GRIN2A: variants seen among roughly 807,000 people sequenced by gnomAD.
GRIN2A encodes glutamate receptor ionotropic, NMDA 2A.
Under a neutral mutation model 113.4 loss-of-function variants are expected in GRIN2A, and 22 were observed. The observed-to-expected ratio is 0.19, with a 90% CI of 0.14 to 0.28. The LOEUF is 0.28. Ranked by LOEUF, GRIN2A falls within the 10% of genes least tolerant of loss-of-function variation. GRIN2A has a pLI of 1.00. For missense variants in GRIN2A, 1,502 were observed against 1,887.0 expected (o/e 0.80, Z 3.78); for synonymous variants, 827 against 738.4 (o/e 1.12, Z -1.94).
At chr16:9,937,469 C>G (rs1471820136) in intron 3 of GRIN2A, among the ~76,000 whole-genome samples, 1 of 152,026 alleles carries the variant, frequency 6.6e-6, no homozygotes, top group Non-Finnish European at 1.5e-5. Flanking sequence ...CTCATGTACC[C>G]CATAAATATA....
At chr16:10,175,291 T>C (rs1393311946) in intron 2 of GRIN2A, among the ~76,000 whole-genome samples, 2 of 152,036 alleles carry the variant, frequency 1.3e-5, no homozygotes, top group African/African-American at 4.8e-5. Context: ...AAGGAGAGAA[T>C]AGAAAGAATG....
At chr16:9,766,878 T>C (rs1477222119) in intron 12 of GRIN2A, among the ~76,000 whole-genome samples, 1 of 152,210 alleles carries the variant, frequency 6.6e-6, no homozygotes, top group African/African-American at 2.4e-5. Flanking sequence ...ATGCCTGCCC[T>C]GTGCTGCCCA....
chr16:9,803,408 T>C (rs891554688), intron 10 of GRIN2A, among the ~76,000 whole-genome samples: 2 of 145,276 alleles, frequency 1.4e-5, no homozygotes, highest in African/African-American at 5.1e-5. Flanking sequence ...AGAGCAAAAC[T>C]CCATCTCAAA....
intron 2 of GRIN2A, among the ~76,000 whole-genome samples, chr16:10,008,781 T>C (rs1394639164): frequency 2.6e-5 from 4 of 152,208 alleles, no homozygotes; most frequent in Admixed American, 6.5e-5. Context: ...GCACATTCCA[T>C]GCAACTGTTA....
At position 9,756,698 on chromosome 16, in the gene GRIN2A, G is replaced by A. The variant is rs199950051; in HGVS notation, c.*6451C>T. 5.8e-4 allele frequency: 109 copies of A among 187,250 alleles called. 2 individuals carry two copies. The East Asian group carries it at 9.0e-3, about 15-fold the overall frequency. 11.6% of individuals were successfully genotyped at this position (187,250 alleles called of 1,614,324 possible). A position where few individuals can be genotyped will look rare whatever the true frequency, so the allele number is the denominator to read the frequency against. On this transcript the variant is annotated 3_prime_UTR_variant, in exon 13 of 13. Coordinates refer to ENST00000330684, the MANE Select transcript of GRIN2A (RefSeq NM_001134407.3). Reference sequence around the variant, plus strand: ...CATTCTAGGATATGCCTAGAATATCGCCTACACTCAATTTAGATATATTTT... The same window carrying A: ...CATTCTAGGATATGCCTAGAATATCACCTACACTCAATTTAGATATATTTT...
intron 2 of GRIN2A, among the ~76,000 whole-genome samples, chr16:9,981,073 G>A (rs1484596477): frequency 1.3e-5 from 2 of 151,462 alleles, no homozygotes; most frequent in East Asian, 3.9e-4. Flanking sequence ...GTTTCACCCT[G>A]TAAAGTCCTT....
At chr16:9,950,006 T>C (rs937359365) in intron 2 of GRIN2A, among the ~76,000 whole-genome samples, 11 of 152,126 alleles carry the variant, frequency 7.2e-5, no homozygotes, top group Admixed American at 7.2e-4. Flanking sequence ...ACTCTCACAA[T>C]CTGAAGGCAG....
At chr16:10,034,968 A>G (rs2046998288) in intron 2 of GRIN2A, among the ~76,000 whole-genome samples, 1 of 152,128 alleles carries the variant, frequency 6.6e-6, no homozygotes, top group African/African-American at 2.4e-5. Flanking sequence ...TTAAATATAA[A>G]CTCATCCTGG....
intron 2 of GRIN2A, among the ~76,000 whole-genome samples, chr16:10,140,725 T>C (rs1270270085): frequency 1.3e-5 from 2 of 152,064 alleles, no homozygotes; most frequent in African/African-American, 4.8e-5. Context: ...TATGGGCAAG[T>C]GAGGAAGAGG....
rs576802725 is a variant in GRIN2A at position 10,006,991 on chromosome 16, C to T, written c.415-68440G>A. 7.2e-5 allele frequency among the ~76,000 whole-genome samples: 11 copies of T among 152,282 alleles called. No individual in the cohort carries two copies. In the East Asian group the frequency reaches 2.1e-3, roughly 29 times the overall value. On this transcript the variant is annotated intron_variant, in intron 2 of 12. Transcript: ENST00000330684. The stretch of plus-strand genomic sequence containing the variant: ...ATTCTTTTTATGGCTAAATAGTACT[C>T]CATTGTGTATATGTACCACATTTTC...
rs762437402 is a variant in GRIN2A at position 9,763,314 on chromosome 16, C to T, written c.4230G>A (p.Ser1410=). 2.4e-5 allele frequency: 39 copies of T among 1,613,978 alleles called. No individual in the cohort carries two copies. The highest frequency in any genetic ancestry group is 4.4e-5 in the South Asian group (4 of 91,082). ...GGCCCCGACTGTCCCTGGAACAGTA[C>T]GATGCCGTTGACCTCAAGGACGACC... The part of the protein sequence containing the change: ...YLRSSLRSTA[S]YCSRDSRGHN... The change falls in exon 13 of 13, where the codon TCG becomes TCA. Residue 1410 remains serine (S), a synonymous_variant. Transcript: ENST00000330684.
intron 2 of GRIN2A, among the ~76,000 whole-genome samples, chr16:10,148,759 G>T (rs146697716): frequency 5.8e-4 from 89 of 152,248 alleles, no homozygotes; most frequent in African/African-American, 2.0e-3. Context: ...ATATCAAAGA[G>T]ATATCTGCAC....
In GRIN2A at chr16:9,849,848, C is replaced by T. The variant is rs746937388; in HGVS notation, c.1236G>A (p.Glu412=). The T allele has an allele frequency of 5.0e-6, 8 of 1,614,022 alleles. No homozygotes were observed. Among genetic ancestry groups the T allele is most frequent in the Non-Finnish European group, 5.9e-6 (7 of 1,179,948 alleles). The change falls in exon 5 of 13, where the codon GAG becomes GAA. Residue 412 remains glutamate, a synonymous_variant. Transcript: ENST00000330684. ...CTTCCACGATGACGAATGGGGCCTC[C>T]TCCAGGGTGACGATGCTGAGATGGT... ...DDNHLSIVTL[E]EAPFVIVEDI...
chr16:10,111,757 A>C, intron 2 of GRIN2A: 1 of 1,507,788 alleles, frequency 6.6e-7, no homozygotes. Flanking sequence ...CCCCTCACAC[A>C]CTGTGGGTGA....
chr16:10,099,363 T>G (rs2048351362), intron 2 of GRIN2A, among the ~76,000 whole-genome samples: 1 of 152,238 alleles, frequency 6.6e-6, no homozygotes, highest in Non-Finnish European at 1.5e-5. Flanking sequence ...AGTAATTAAA[T>G]GCAAATCACC....
At chr16:9,985,380 G>C (rs1406426962) in intron 2 of GRIN2A, among the ~76,000 whole-genome samples, 2 of 152,162 alleles carry the variant, frequency 1.3e-5, no homozygotes, top group South Asian at 4.1e-4. Context: ...ATATCAAGGA[G>C]ACATCTGCAC....
At chr16:9,963,110 G>A (rs540238911) in intron 2 of GRIN2A, among the ~76,000 whole-genome samples, 29 of 129,892 alleles carry the variant, frequency 2.2e-4, no homozygotes, top group South Asian at 8.5e-4. Context: ...ATCACACATC[G>A]GGGACTGTTG....
rs112147970 is a variant in GRIN2A, at chr16:10,099,046, A to G, written c.414+80952T>C. On this transcript the variant is annotated intron_variant, in intron 2 of 12. Transcript: ENST00000330684. ...GTTCTCCAAATAGTTGTTAAAAATA[A>G]TTTAGAAAATGCTCAAAAAAACCAC... 8.5e-3 allele frequency among the ~76,000 whole-genome samples: 1,297 copies of G among 152,316 alleles called. 21 individuals carry two copies. The highest frequency in any genetic ancestry group is 0.03 in the African/African-American group (1,244 of 41,564).
intron 2 of GRIN2A, among the ~76,000 whole-genome samples, chr16:10,066,672 G>C (rs1195924590): frequency 6.6e-6 from 1 of 152,176 alleles, no homozygotes; most frequent in Non-Finnish European, 1.5e-5. Flanking sequence ...AGCATCTTAA[G>C]CTGCCCCTCC....
Sources: allele counts gnomAD v4.1 joint callset (sites outside exome capture counted in the v4.1 genomes callset), GRCh38; gene constraint gnomAD v4.1.1; transcripts MANE v1.5; gene names NCBI Gene and HGNC (gene_info 2026-07-23, HGNC 2026-07-21).